Variants in ANO3 observed in about 807,000 individuals in gnomAD.
ANO3 encodes anoctamin-3.
Under a neutral mutation model 144.8 loss-of-function variants are expected in ANO3, and 99 were observed. The observed-to-expected ratio is 0.68, with a 90% CI of 0.58 to 0.81. ANO3 has a LOEUF of 0.81. ANO3 is among the 30% of genes least tolerant of loss of function. The pLI, the probability that ANO3 is intolerant of heterozygous loss-of-function variation, is 0.00. For synonymous variants in ANO3, 414 were observed against 392.6 expected (o/e 1.05, Z -0.64); for missense variants, 905 against 1,202.2 (o/e 0.75, Z 3.66).
intron 1 of ANO3, among the ~76,000 whole-genome samples, chr11:26,422,590 G>A (rs1857785430): frequency 6.6e-6 from 1 of 151,866 alleles, no homozygotes; most frequent in Non-Finnish European, 1.5e-5. Flanking sequence ...ATTTCCTATG[G>A]GTTTACAGGT....
At chr11:26,359,303 T>C (rs1855863187) in intron 1 of ANO3, among the ~76,000 whole-genome samples, 1 of 152,190 alleles carries the variant, frequency 6.6e-6, no homozygotes, top group South Asian at 2.1e-4. Context: ...TATTTCTCAC[T>C]ATGGAGACAA....
intron 14 of ANO3, among the ~76,000 whole-genome samples, chr11:26,597,896 C>T (rs905870213): frequency 1.3e-5 from 2 of 152,126 alleles, no homozygotes; most frequent in South Asian, 4.1e-4. Flanking sequence ...TTGGGAGTTT[C>T]TTCTCTTGTC....
chr11:26,442,102 A>G lies in ANO3; in HGVS notation c.231A>G (p.Lys77=). The change falls in exon 2 of 27, where the codon AAA becomes AAG. Residue 77 remains lysine, a synonymous_variant. Transcript: ENST00000256737. The part of the protein sequence containing the change: ...PTSITLISTD[K]AEQVNTEENK... ...CTATAACCTTAATCTCCACTGACAAAGCAGAGCAAGGTGAGCAGCAATTCC... is the reference window on the plus strand; with the variant it reads ...CTATAACCTTAATCTCCACTGACAAGGCAGAGCAAGGTGAGCAGCAATTCC... The G allele has an allele frequency of 6.2e-7, 1 of 1,611,674 alleles. No individual in the cohort carries two copies. Among genetic ancestry groups the G allele is most frequent in the South Asian group, 1.1e-5 (1 of 90,372 alleles).
At chr11:26,394,735 G>A (rs1410210780) in intron 1 of ANO3, among the ~76,000 whole-genome samples, 1 of 151,770 alleles carries the variant, frequency 6.6e-6, no homozygotes, top group Non-Finnish European at 1.5e-5. Context: ...ACACCACCAT[G>A]CCCAGCTAAT....
chr11:26,593,991 C>T (rs1851532303), intron 14 of ANO3, among the ~76,000 whole-genome samples: 1 of 152,160 alleles, frequency 6.6e-6, no homozygotes, highest in African/African-American at 2.4e-5. Flanking sequence ...CTAATGTCTG[C>T]AGCTGACTGA....
chr11:26,590,346 T>A (rs1469881653), intron 14 of ANO3, among the ~76,000 whole-genome samples: 6 of 152,240 alleles, frequency 3.9e-5, no homozygotes, highest in Non-Finnish European at 8.8e-5. Context: ...ACTGCTTTCA[T>A]TTTATAAATT....
chr11:26,616,079 T>C (rs558263416), intron 17 of ANO3, among the ~76,000 whole-genome samples: 4 of 152,350 alleles, frequency 2.6e-5, no homozygotes, highest in African/African-American at 9.6e-5. Flanking sequence ...AATCTTATTT[T>C]TAAAATGTCT....
chr11:26,426,668 G>A (rs929159991), intron 1 of ANO3, among the ~76,000 whole-genome samples: 5 of 152,146 alleles, frequency 3.3e-5, no homozygotes, highest in African/African-American at 9.7e-5. Flanking sequence ...AAACATGGTG[G>A]TGGGAAAGGA....
intron 1 of ANO3, among the ~76,000 whole-genome samples, chr11:26,359,312 A>G (rs1289464238): frequency 2.6e-5 from 4 of 152,158 alleles, no homozygotes; most frequent in Non-Finnish European, 5.9e-5. Flanking sequence ...CTATGGAGAC[A>G]AGGCTTTTTT....
At chr11:26,502,959 A>G (rs1165456515) in intron 4 of ANO3, among the ~76,000 whole-genome samples, 1 of 152,096 alleles carries the variant, frequency 6.6e-6, no homozygotes, top group Non-Finnish European at 1.5e-5. Context: ...GCAAATCTCT[A>G]CCACTATTTT....
chr11:26,656,212 A>T lies in ANO3; in HGVS notation c.2657+7A>T. 1 of 1,607,772 alleles carries T rather than the reference A, an allele frequency of 6.2e-7. No homozygotes were observed. Among genetic ancestry groups the T allele is most frequent in the African/African-American group, 1.3e-5 (1 of 74,884 alleles). On this transcript the variant is annotated splice_region_variant and intron_variant, in intron 25 of 26. Transcript: ENST00000256737. The stretch of plus-strand genomic sequence containing the variant: ...GAAAATCTGGTTATTGCAGGTACTT[A>T]TAATAGTTATCTTTCCTGCTTGCTT...
chr11:26,370,123 A>C (rs1289030682), intron 1 of ANO3, among the ~76,000 whole-genome samples: 2 of 152,164 alleles, frequency 1.3e-5, no homozygotes, highest in Non-Finnish European at 2.9e-5. Flanking sequence ...TCTAGTCTTG[A>C]ATTGTAGTTC....
chr11:26,465,272 T>TTAGATAGA (rs60663776), intron 4 of ANO3, among the ~76,000 whole-genome samples: 32,116 of 146,194 alleles, frequency 0.22, 3,721 homozygotes, highest in Middle Eastern at 0.27. Context: ...ATGAACCTAT[T>TTAGATAGA]TAGATAGATA....
At chr11:26,311,734 A>G (rs1327972140) in intron 1 of ANO3, among the ~76,000 whole-genome samples, 1 of 152,180 alleles carries the variant, frequency 6.6e-6, no homozygotes, top group Non-Finnish European at 1.5e-5. Context: ...GTACTCTGAT[A>G]TGTCTTTCTG....
At chr11:26,316,022 G>C (rs1854617447) in intron 1 of ANO3, among the ~76,000 whole-genome samples, 1 of 152,036 alleles carries the variant, frequency 6.6e-6, no homozygotes, top group Non-Finnish European at 1.5e-5. Flanking sequence ...GAACAGAAGG[G>C]GTAAATAGGA....
At chr11:26,386,807 C>A (rs974503366) in intron 1 of ANO3, among the ~76,000 whole-genome samples, 1 of 152,028 alleles carries the variant, frequency 6.6e-6, no homozygotes, top group Non-Finnish European at 1.5e-5. Context: ...AGTATCCTGA[C>A]CCAAAATTTT....
intron 3 of ANO3, among the ~76,000 whole-genome samples, chr11:26,455,234 C>G (rs1271816699): frequency 6.7e-6 from 1 of 149,836 alleles, no homozygotes; most frequent in Non-Finnish European, 1.5e-5. Flanking sequence ...GGCAATTAGG[C>G]AGGAGAAGGA....
chr11:26,439,924 T>C (rs968115230), intron 1 of ANO3, among the ~76,000 whole-genome samples: 1 of 152,168 alleles, frequency 6.6e-6, no homozygotes, highest in African/African-American at 2.4e-5. Context: ...ATGAGAACAT[T>C]TTATGTAATT....
chr11:26,492,373 A>G (rs7128699), intron 4 of ANO3, among the ~76,000 whole-genome samples: 91,755 of 152,024 alleles, frequency 0.6, 28,291 homozygotes, highest in East Asian at 0.68. Context: ...CATTCTACTT[A>G]TATAATGTCT....
Sources: gnomAD v4.1 joint callset for allele counts (sites outside exome capture counted in the v4.1 genomes callset) on GRCh38, gnomAD v4.1.1 for gene constraint, MANE v1.5 for transcripts, NCBI Gene and HGNC (gene_info 2026-07-23, HGNC 2026-07-21) for gene names.